LANCL3: variants seen among roughly 807,000 people sequenced by gnomAD.
LANCL3 encodes the protein LanC like family member 3.
In LANCL3, 19 loss-of-function variants were observed where a neutral mutation model predicts 26.5. The observed-to-expected ratio is 0.72, with a 90% CI of 0.50 to 1.05. LANCL3 has a LOEUF of 1.05. LANCL3 is among the 50% of genes least tolerant of loss of function. LANCL3 has a pLI of 0.00. For missense variants in LANCL3, 318 were observed against 362.7 expected, an observed-to-expected ratio of 0.88 and a Z score of 1.00; for synonymous variants, 160 against 166.6, an observed-to-expected ratio of 0.96 and a Z score of 0.30.
chrX:37,596,040 A>G (rs1384140314), intron 1 of LANCL3, among the ~76,000 whole-genome samples: 2 of 112,304 alleles, frequency 1.8e-5, no homozygotes, highest in Non-Finnish European at 3.8e-5. Flanking sequence ...GTTTACTTTT[A>G]CCACAGCTAA....
At chrX:37,633,346 GT>G (rs1925594700) in intron 1 of LANCL3, among the ~76,000 whole-genome samples, 2 of 111,123 alleles carry the variant, frequency 1.8e-5, no homozygotes, top group African/African-American at 6.5e-5. Context: ...TTTTTTCAAA[GT>G]TTTTAACTTC....
At chrX:37,610,363 A>G (rs73631187) in intron 1 of LANCL3, among the ~76,000 whole-genome samples, 3,836 of 112,077 alleles carry the variant, frequency 0.034, 148 homozygotes, top group African/African-American at 0.12. Context: ...TCACACAGCA[A>G]TCACAGTGGC....
At chrX:37,581,343 A>T (rs1271809054) in intron 1 of LANCL3, among the ~76,000 whole-genome samples, 1 of 112,396 alleles carries the variant, frequency 8.9e-6, no homozygotes, top group Non-Finnish European at 1.9e-5. Context: ...GGATATGTTG[A>T]CATCTATTGA....
At chrX:37,585,986 G>C (rs1483694184) in intron 1 of LANCL3, among the ~76,000 whole-genome samples, 2 of 111,329 alleles carry the variant, frequency 1.8e-5, no homozygotes, top group Non-Finnish European at 3.8e-5. Context: ...TTTTAGGGCA[G>C]GCCTGGTGGT....
At chrX:37,585,588 A>T (rs1365067148) in intron 1 of LANCL3, among the ~76,000 whole-genome samples, 1 of 111,576 alleles carries the variant, frequency 9.0e-6, no homozygotes, top group Non-Finnish European at 1.9e-5. Context: ...GTTGGTTTAA[A>T]GTCTGTTTTA....
chrX:37,660,772 G>A (rs1926399484), intron 3 of LANCL3, among the ~76,000 whole-genome samples: 1 of 110,840 alleles, frequency 9.0e-6, no homozygotes, highest in Non-Finnish European at 1.9e-5. Flanking sequence ...ATTTCATTTT[G>A]GGGGGTACAG....
chrX:37,593,434 TA>T (rs1250847105), intron 1 of LANCL3, among the ~76,000 whole-genome samples: 2 of 112,232 alleles, frequency 1.8e-5, no homozygotes, highest in Non-Finnish European at 3.8e-5. Context: ...GTTAACAGAT[TA>T]ATATATAATG....
At chrX:37,649,668 A>T (rs1926085190) in intron 1 of LANCL3, among the ~76,000 whole-genome samples, 2 of 112,017 alleles carry the variant, frequency 1.8e-5, no homozygotes, top group Non-Finnish European at 3.8e-5. Flanking sequence ...TTGAATTTCT[A>T]TCAGGATACC....
intron 1 of LANCL3, among the ~76,000 whole-genome samples, chrX:37,600,502 CA>C (rs1924549247): frequency 8.9e-6 from 1 of 111,804 alleles, no homozygotes; most frequent in Admixed American, 9.5e-5. Context: ...TTATTGGTGC[CA>C]CAGGCAGAGT....
chrX:37,632,248 G>C (rs1254238451), intron 1 of LANCL3, among the ~76,000 whole-genome samples: 1 of 111,648 alleles, frequency 9.0e-6, no homozygotes, highest in East Asian at 2.8e-4. Context: ...GGTTTAAAGT[G>C]TGTTTTATCA....
rs144339124 is a variant in LANCL3 at position 37,584,970 on chromosome X, G to T, written c.573+12527G>T. Among the ~76,000 whole-genome samples the T allele has an allele frequency of 7.8e-3, 877 of 111,720 alleles. 5 individuals carry two copies. The highest frequency in any genetic ancestry group is 0.027 in the African/African-American group (831 of 30,645). ...TTTCCCTCTACACACTGCTTTAAAT[G>T]TGTCCCAGAGATTCTGGTATGTTGT... On this transcript the variant is annotated intron_variant, in intron 1 of 4. Coordinates refer to ENST00000378619, the MANE Select transcript of LANCL3 (RefSeq NM_001170331.2).
chrX:37,662,413 A>C (rs1264171139), intron 3 of LANCL3, among the ~76,000 whole-genome samples: 1 of 112,129 alleles, frequency 8.9e-6, no homozygotes, highest in African/African-American at 3.2e-5. Context: ...TTTTAAAAAA[A>C]CTCATTTCAT....
chrX:37,670,628 A>G (rs1273668372), intron 4 of LANCL3, among the ~76,000 whole-genome samples: 1 of 111,406 alleles, frequency 9.0e-6, no homozygotes, highest in Non-Finnish European at 1.9e-5. Context: ...ATATAAATAT[A>G]TGAGTTCCAT....
intron 1 of LANCL3, among the ~76,000 whole-genome samples, chrX:37,643,565 T>C (rs937691456): frequency 8.0e-5 from 9 of 112,125 alleles, no homozygotes; most frequent in Non-Finnish European, 1.7e-4. Context: ...GGGAGACATT[T>C]TGAAAGAGCA....
intron 1 of LANCL3, among the ~76,000 whole-genome samples, chrX:37,616,909 G>A (rs1197256012): frequency 1.8e-5 from 2 of 111,461 alleles, no homozygotes; most frequent in Admixed American, 9.5e-5. Flanking sequence ...GGACCCCAGC[G>A]GTCTGACTTT....
At chrX:37,619,162 A>G (rs782157281) in intron 1 of LANCL3, among the ~76,000 whole-genome samples, 14 of 111,790 alleles carry the variant, frequency 1.3e-4, no homozygotes, top group Non-Finnish European at 2.1e-4. Context: ...TTATAATTCA[A>G]TCTTGTGCAT....
chrX:37,585,371 G>A lies in LANCL3; in HGVS notation c.573+12928G>A, dbSNP rs781978779. Among the ~76,000 whole-genome samples, 5 of 111,247 alleles carry A rather than the reference G, an allele frequency of 4.5e-5. No individual in the cohort carries two copies. The East Asian group carries it at 1.4e-3, about 31-fold the overall frequency. On this transcript the variant is annotated intron_variant, in intron 1 of 4. Transcript: ENST00000378619. ...ATCCTTGTTAACTTTCTGTCTCATT[G>A]ATCTGTCTAATGTTGACAGTGGGGT...
At chrX:37,632,300 T>G (rs1304014362) in intron 1 of LANCL3, among the ~76,000 whole-genome samples, 5 of 111,898 alleles carry the variant, frequency 4.5e-5, no homozygotes, top group Non-Finnish European at 9.4e-5. Flanking sequence ...ATTTTCCATT[T>G]GCTTGGTAGA....
chrX:37,601,132 T>C (rs781995436), intron 1 of LANCL3, among the ~76,000 whole-genome samples: 1 of 111,774 alleles, frequency 8.9e-6, no homozygotes, highest in Admixed American at 9.5e-5. Context: ...GGTAATTGCA[T>C]AGCATAATAT....
Sources: allele counts gnomAD v4.1 joint callset (sites outside exome capture counted in the v4.1 genomes callset), GRCh38; gene constraint gnomAD v4.1.1; transcripts MANE v1.5; gene names NCBI Gene and HGNC (gene_info 2026-07-23, HGNC 2026-07-21).